LMF1: variants seen among roughly 807,000 people sequenced by gnomAD.
LMF1 encodes transmembrane protein 112.
A neutral mutation model predicts 60.6 loss-of-function variants in LMF1; 68 were observed. The ratio of observed to expected loss-of-function variants is 1.12; its 90% CI spans 0.92 to 1.37. The LOEUF (loss-of-function observed/expected upper bound fraction) is 1.37. Among genes scored for constraint, LMF1 ranks in the 40% most tolerant of loss-of-function variants. LMF1 has a pLI of 0.00. For missense variants in LMF1, 948 were observed against 767.2 expected, an observed-to-expected ratio of 1.24 and a Z score of -2.78; for synonymous variants, 418 against 324.7, an observed-to-expected ratio of 1.29 and a Z score of -3.09.
chr16:916,019 G>C (rs1022652348), intron 3 of LMF1, among the ~76,000 whole-genome samples: 1 of 152,196 alleles, frequency 6.6e-6, no homozygotes, highest in Admixed American at 6.5e-5. Flanking sequence ...TCAGGACACA[G>C]GGAGGGACAC....
upstream of LMF1, among the ~76,000 whole-genome samples, chr16:972,765 G>A (rs928368773): frequency 1.3e-5 from 2 of 152,250 alleles, no homozygotes; most frequent in African/African-American, 2.4e-5. Flanking sequence ...GAGCAGAAAA[G>A]GGCCTCTTGT....
At chr16:858,904 G>C (rs1213856487) in intron 10 of LMF1, among the ~76,000 whole-genome samples, 10 of 106,082 alleles carry the variant, frequency 9.4e-5, no homozygotes, top group African/African-American at 3.6e-4. Context: ...GTGGTGTCTC[G>C]GGACGGGTGT....
rs755943591 is a variant in LMF1, at chr16:870,757, T to A, written c.1204A>T (p.Ile402Phe). ...VMNTHFNSLH[I>F]VNTYGAFGSI... ...CCGAAGGCCCCGTAAGTGTTGACGATGTGAAGAGAGTTGAAGTGGGTGTTC... is the reference window on the plus strand; with the variant it reads ...CCGAAGGCCCCGTAAGTGTTGACGAAGTGAAGAGAGTTGAAGTGGGTGTTC... The change falls in exon 8 of 11, where the codon ATC becomes TTC. Residue 402 changes from isoleucine (I) to phenylalanine (F), a missense_variant. By Grantham distance (21) the Ile-to-Phe change is conservative. Coordinates refer to ENST00000262301, the MANE Select transcript of LMF1 (RefSeq NM_022773.4). 3 of 1,612,958 alleles carry A rather than the reference T, an allele frequency of 1.9e-6. No individual in the cohort carries two copies. Among genetic ancestry groups the A allele is most frequent in the South Asian group, 2.2e-5 (2 of 91,086 alleles).
intron 10 of LMF1, among the ~76,000 whole-genome samples, chr16:861,211 G>A (rs184148312): frequency 2.2e-4 from 34 of 152,030 alleles, no homozygotes; most frequent in South Asian, 2.1e-4. Flanking sequence ...TAAGTATTTC[G>A]CTTTTTGGAG....
chr16:950,555 TGACAGAGTCAGAGCCAAC>T (rs2072424231), intron 2 of LMF1, among the ~76,000 whole-genome samples: 1 of 88,842 alleles, frequency 1.1e-5, no homozygotes. Flanking sequence ...AGTCAGCCAA[TGACAGAGTCAGAGCCAAC>T]GACAGAGTCA....
At chr16:872,829 C>G (rs528327443) in intron 6 of LMF1, 1 of 152,430 alleles carries the variant, frequency 6.6e-6, no homozygotes, top group South Asian at 2.1e-4. Context: ...CCAAAGCGAC[C>G]TGGGGCACAG....
intron 3 of LMF1, among the ~76,000 whole-genome samples, chr16:921,615 T>C (rs78163818): frequency 0.012 from 1,851 of 152,290 alleles, 22 homozygotes; most frequent in South Asian, 0.095. Flanking sequence ...CCCTATACCT[T>C]GATGGGGCTC....
chr16:939,307 C>T (rs759256455), intron 2 of LMF1, among the ~76,000 whole-genome samples: 1 of 152,220 alleles, frequency 6.6e-6, no homozygotes, highest in African/African-American at 2.4e-5. Context: ...CCGTCCACCA[C>T]GCACACCCTG....
intron 3 of LMF1, among the ~76,000 whole-genome samples, chr16:918,124 A>G (rs1412837493): frequency 2.0e-5 from 3 of 152,224 alleles, no homozygotes; most frequent in African/African-American, 7.2e-5. Context: ...GTGCTGGTTA[A>G]GGGCTTTCGT....
At chr16:951,267 G>GCCAACGACAGAGTC (rs2072459557) in intron 2 of LMF1, among the ~76,000 whole-genome samples, 2 of 146,296 alleles carry the variant, frequency 1.4e-5, no homozygotes, top group African/African-American at 2.7e-5. Context: ...GACAGAGTCA[G>GCCAACGACAGAGTC]AGCCAACGAC....
chr16:956,783 G>A (rs1316549647), intron 1 of LMF1, among the ~76,000 whole-genome samples: 2 of 150,682 alleles, frequency 1.3e-5, no homozygotes, highest in Non-Finnish European at 2.9e-5. Flanking sequence ...GGTGGAGGGT[G>A]CAGTGAGCCA....
intron 10 of LMF1, among the ~76,000 whole-genome samples, chr16:856,344 C>G (rs1397559610): frequency 6.6e-6 from 1 of 152,210 alleles, no homozygotes; most frequent in African/African-American, 2.4e-5. Context: ...CTCTGAGCAG[C>G]TCAGCAGCAG....
intron 5 of LMF1, among the ~76,000 whole-genome samples, chr16:887,812 C>T (rs1484879303): frequency 3.3e-5 from 5 of 152,258 alleles, no homozygotes; most frequent in East Asian, 1.9e-4. Flanking sequence ...GCAGTGCTTC[C>T]GGATCACTCT....
At chr16:876,267 G>C (rs1169557111) in intron 6 of LMF1, among the ~76,000 whole-genome samples, 3 of 152,248 alleles carry the variant, frequency 2.0e-5, no homozygotes, top group Admixed American at 2.0e-4. Context: ...GTCCGCAAAG[G>C]CTGCACAATG....
chr16:868,626 G>A (rs985920028), intron 10 of LMF1, among the ~76,000 whole-genome samples: 1 of 152,182 alleles, frequency 6.6e-6, no homozygotes, highest in Non-Finnish European at 1.5e-5. Context: ...GAGCAGAGGT[G>A]GCACCTAGAG....
At chr16:893,783 C>T (rs1010204499) in intron 4 of LMF1, among the ~76,000 whole-genome samples, 3 of 152,094 alleles carry the variant, frequency 2.0e-5, no homozygotes, top group Admixed American at 6.5e-5. Context: ...CAGATGATTC[C>T]TTCACAAGTC....
At chr16:953,131 C>T (rs1411261679) in intron 2 of LMF1, among the ~76,000 whole-genome samples, 3 of 114,624 alleles carry the variant, frequency 2.6e-5, no homozygotes, top group East Asian at 2.7e-4. Flanking sequence ...TCCTACATAT[C>T]CACACAGACA....
intron 6 of LMF1, 57 bp downstream of exon 6, chr16:879,513 A>AGCG: frequency 6.3e-7 from 1 of 1,583,064 alleles, no homozygotes; most frequent in East Asian, 2.3e-5. Flanking sequence ...AGCCAGAAAT[A>AGCG]GGGCGACGGG....
chr16:875,974 C>CACACCCCTCCATTCAGGCTGG lies in LMF1; in HGVS notation c.897+3575_897+3595dup, dbSNP rs147411680. ...CCCACCCAGGTCAGGAATCCTGGAACACACCCCTCCATTCAGGCTGGACAC... is the reference window on the plus strand; with the variant it reads ...CCCACCCAGGTCAGGAATCCTGGAACACACCCCTCCATTCAGGCTGGACACCCCTCCATTCAGGCTGGACAC... On this transcript the variant is annotated intron_variant, in intron 6 of 10. Transcript: ENST00000262301. 2.0e-5 allele frequency among the ~76,000 whole-genome samples: 3 copies of CACACCCCTCCATTCAGGCTGG among 152,226 alleles called. No individual in the cohort carries two copies. In the East Asian group the frequency reaches 5.8e-4, roughly 29 times the overall value.
Sources: allele counts gnomAD v4.1 joint callset (sites outside exome capture counted in the v4.1 genomes callset), GRCh38; gene constraint gnomAD v4.1.1; transcripts MANE v1.5; gene names NCBI Gene and HGNC (gene_info 2026-07-23, HGNC 2026-07-21).